Variants in RBP2 observed in about 807,000 individuals in gnomAD.
RBP2 encodes the protein retinol binding protein 2.
Under a neutral mutation model 17.0 loss-of-function variants are expected in RBP2, and 17 were observed. That is an observed-to-expected ratio of 1.00 (90% CI 0.68 to 1.50). The LOEUF (loss-of-function observed/expected upper bound fraction) is 1.50, where lower values mean the gene tolerates loss of function less well. RBP2 is among the 40% of genes most tolerant of loss of function. The probability of loss-of-function intolerance (pLI) is 0.00; values close to 1 mark genes in which losing one functional copy is unlikely to be tolerated. For missense variants in RBP2, 158 were observed against 168.2 expected, an observed-to-expected ratio of 0.94 and a Z score of 0.33; for synonymous variants, 48 against 57.1, an observed-to-expected ratio of 0.84 and a Z score of 0.72.
At chr3:139,468,665 C>G (rs1933444473) in intron 1 of RBP2, among the ~76,000 whole-genome samples, 1 of 150,864 alleles carries the variant, frequency 6.6e-6, no homozygotes, top group Non-Finnish European at 1.5e-5. Context: ...CACAAACACA[C>G]ACACACATGC....
Position 139,454,768 on chromosome 3 carries a change from G to A in RBP2, c.315C>T (p.Arg105=), listed in dbSNP as rs141722744. The change falls in exon 3 of 4, where the codon CGC becomes CGT. Residue 105 remains arginine, a synonymous_variant. Coordinates refer to ENST00000232217, the MANE Select transcript of RBP2 (RefSeq NM_004164.3). ...CCCCCTCAATCCACTGCTTCCAGCC[G>A]CGGTTCTCCTTCTCCCCCTTTTGCA... ...VCVQKGEKEN[R]GWKQWIEGDK... is the part of the protein sequence containing the mutation. The A allele has an allele frequency of 1.7e-4, 275 of 1,614,052 alleles. 1 individual carries two copies. The highest frequency in any genetic ancestry group is 7.2e-4 in the South Asian group (66 of 91,086).
At chr3:139,454,636 A>C in intron 3 of RBP2, 93 bp downstream of exon 3, 2 of 1,188,642 alleles carry the variant, frequency 1.7e-6, no homozygotes, top group Non-Finnish European at 2.5e-6. Context: ...GTAGGAGTGC[A>C]GGGCCATTTT....
intron 1 of RBP2, among the ~76,000 whole-genome samples, chr3:139,474,503 C>G (rs1178613321): frequency 1.3e-5 from 2 of 152,240 alleles, no homozygotes; most frequent in Non-Finnish European, 2.9e-5. Context: ...GCAAAAGACA[C>G]AAGGTTTCTT....
At chr3:139,458,600 A>C (rs986061915) in intron 2 of RBP2, among the ~76,000 whole-genome samples, 1 of 152,220 alleles carries the variant, frequency 6.6e-6, no homozygotes, top group Non-Finnish European at 1.5e-5. Context: ...AGGAACCCCT[A>C]TGTACTAGCA....
At chr3:139,461,229 T>C (rs1212282689) in intron 2 of RBP2, among the ~76,000 whole-genome samples, 48 of 152,160 alleles carry the variant, frequency 3.2e-4, no homozygotes, top group Admixed American at 3.1e-3. Flanking sequence ...ACCTCTCCAC[T>C]TCTCCCTGCT....
intron 1 of RBP2, among the ~76,000 whole-genome samples, chr3:139,469,079 C>G (rs1445942407): frequency 2.0e-5 from 3 of 152,080 alleles, no homozygotes; most frequent in Non-Finnish European, 4.4e-5. Context: ...GGCAGGTGCT[C>G]TTTGTAAATT....
intron 1 of RBP2, among the ~76,000 whole-genome samples, chr3:139,464,486 C>A (rs1933296258): frequency 6.6e-6 from 1 of 152,022 alleles, no homozygotes; most frequent in African/African-American, 2.4e-5. Flanking sequence ...CACTATTACT[C>A]CCCTTTTCCC....
At chr3:139,469,708 T>TCTAC (rs1253366770) in intron 1 of RBP2, among the ~76,000 whole-genome samples, 6 of 151,580 alleles carry the variant, frequency 4.0e-5, no homozygotes, top group Non-Finnish European at 8.8e-5. Context: ...TATCTATCTA[T>TCTAC]CTATCTATCT....
chr3:139,454,204 A>G (rs1663393635), intron 3 of RBP2, among the ~76,000 whole-genome samples: 1 of 152,220 alleles, frequency 6.6e-6, no homozygotes, highest in Non-Finnish European at 1.5e-5. Context: ...TAAGATATTT[A>G]AGGATATCAG....
At chr3:139,463,590 A>G (rs1933266985) in intron 1 of RBP2, among the ~76,000 whole-genome samples, 1 of 152,248 alleles carries the variant, frequency 6.6e-6, no homozygotes, top group Non-Finnish European at 1.5e-5. Flanking sequence ...GTTGCATATT[A>G]CAAGAAGAAG....
At chr3:139,474,086 T>A (rs1933649858) in intron 1 of RBP2, among the ~76,000 whole-genome samples, 1 of 152,222 alleles carries the variant, frequency 6.6e-6, no homozygotes, top group Non-Finnish European at 1.5e-5. Context: ...ATCAATGTAA[T>A]GTGATATTAA....
intron 1 of RBP2, among the ~76,000 whole-genome samples, chr3:139,469,823 G>T (rs1166133027): frequency 6.6e-6 from 1 of 151,772 alleles, no homozygotes; most frequent in Non-Finnish European, 1.5e-5. Flanking sequence ...CCTCCATTTG[G>T]ACATACCTTG....
chr3:139,466,793 T>G (rs904756684), intron 1 of RBP2: 34 of 152,224 alleles, frequency 2.2e-4, no homozygotes, highest in African/African-American at 8.0e-4. Flanking sequence ...GCCCCTGATC[T>G]CACAGGCCAA....
At chr3:139,474,672 G>C (rs1933671266) in intron 1 of RBP2, among the ~76,000 whole-genome samples, 1 of 152,148 alleles carries the variant, frequency 6.6e-6, no homozygotes, top group Non-Finnish European at 1.5e-5. Flanking sequence ...TCTCTATTTG[G>C]CAGATGAGGA....
At chr3:139,471,356 A>G (rs1933562565) in intron 1 of RBP2, among the ~76,000 whole-genome samples, 1 of 152,240 alleles carries the variant, frequency 6.6e-6, no homozygotes, top group East Asian at 1.9e-4. Flanking sequence ...CACAAGACAC[A>G]TATTCGGGGA....
intron 1 of RBP2, among the ~76,000 whole-genome samples, chr3:139,475,046 G>A (rs1238681040): frequency 1.3e-5 from 2 of 152,114 alleles, no homozygotes; most frequent in Admixed American, 6.5e-5. Flanking sequence ...AAGAGGCCGG[G>A]TGCGGTGGCT....
chr3:139,454,899 G>A (rs968530617), intron 2 of RBP2, 69 bp from the exon 3 acceptor site: 1 of 1,458,230 alleles, frequency 6.9e-7, no homozygotes, highest in African/African-American at 1.4e-5. Flanking sequence ...TAAACCTGCA[G>A]CTGCAATTCC....
chr3:139,454,862 A>C, intron 2 of RBP2, 32 bp from the exon 3 acceptor site: 2 of 1,588,374 alleles, frequency 1.3e-6, no homozygotes, highest in Non-Finnish European at 1.7e-6. Context: ...CAAATCAAAC[A>C]CATGGTCTTG....
At chr3:139,469,726 T>TATCTATCTATCTATC (rs1553722536) in intron 1 of RBP2, among the ~76,000 whole-genome samples, 2 of 150,978 alleles carry the variant, frequency 1.3e-5, no homozygotes, top group African/African-American at 5.0e-5. Flanking sequence ...TCTATCTATC[T>TATCTATCTATCTATC]ATCTATCTAC....
Sources: allele counts gnomAD v4.1 joint callset (sites outside exome capture counted in the v4.1 genomes callset), GRCh38; gene constraint gnomAD v4.1.1; transcripts MANE v1.5; gene names NCBI Gene and HGNC (gene_info 2026-07-23, HGNC 2026-07-21).